PLEKHA7: variants seen among roughly 807,000 people sequenced by gnomAD.
PLEKHA7 encodes the protein pleckstrin homology domain-containing family A member 7.
In PLEKHA7, 104 loss-of-function variants were observed where a neutral mutation model predicts 170.0. The observed-to-expected ratio is 0.61, with a 90% CI of 0.52 to 0.72. The LOEUF (loss-of-function observed/expected upper bound fraction) is 0.72, where lower values mean the gene tolerates loss of function less well. Ranked by LOEUF, PLEKHA7 falls within the 30% of genes least tolerant of loss-of-function variation. The probability of loss-of-function intolerance (pLI) is 0.00; values close to 1 mark genes in which losing one functional copy is unlikely to be tolerated. For missense variants in PLEKHA7, 1,615 were observed against 1,671.7 expected, an observed-to-expected ratio of 0.97 and a Z score of 0.59; for synonymous variants, 648 against 660.8, an observed-to-expected ratio of 0.98 and a Z score of 0.30.
intron 8 of PLEKHA7, among the ~76,000 whole-genome samples, chr11:16,850,578 C>T (rs980395565): frequency 6.6e-6 from 1 of 152,192 alleles, no homozygotes; most frequent in African/African-American, 2.4e-5. Context: ...CACACTGGAC[C>T]TCACAGGTGC....
At position 16,817,989 on chromosome 11, in the gene PLEKHA7, T is replaced by A. The variant is rs1422438058; in HGVS notation, c.1344-667A>T. Among the ~76,000 whole-genome samples, 1 of 152,102 alleles carries A rather than the reference T, an allele frequency of 6.6e-6. No homozygotes were observed. The highest frequency in any genetic ancestry group is 1.5e-5 in the Non-Finnish European group (1 of 68,014). On this transcript the variant is annotated intron_variant, in intron 10 of 26. Coordinates refer to ENST00000531066, the MANE Select transcript of PLEKHA7 (RefSeq NM_001329630.2). This position sits in a 1 kb window ranked among gnomAD's most constrained non-coding sequence, Gnocchi z 4.4. The stretch of plus-strand genomic sequence containing the variant: ...CAACACCCACCTTGCAGGCCTGCTG[T>A]TTTCTCACTGCTCTTCCTACGGGCC...
At chr11:16,860,003 G>A (rs928984851) in intron 4 of PLEKHA7, among the ~76,000 whole-genome samples, 2 of 152,208 alleles carry the variant, frequency 1.3e-5, no homozygotes, top group African/African-American at 2.4e-5. Context: ...CCCTGGTTTG[G>A]GCTACATGAA....
intron 4 of PLEKHA7, among the ~76,000 whole-genome samples, chr11:16,866,637 T>G (rs1430635728): frequency 6.6e-6 from 1 of 152,182 alleles, no homozygotes; most frequent in African/African-American, 2.4e-5. Context: ...AGGTGACCTA[T>G]GATGGACATG....
intron 3 of PLEKHA7, among the ~76,000 whole-genome samples, chr11:16,926,895 CAA>C (rs993576838): frequency 5.3e-5 from 8 of 152,194 alleles, no homozygotes; most frequent in Non-Finnish European, 7.3e-5. Flanking sequence ...CCTACCTCTG[CAA>C]AAGAGCGCTG....
chr11:16,905,061 G>A (rs1857568240), intron 3 of PLEKHA7, among the ~76,000 whole-genome samples: 1 of 152,070 alleles, frequency 6.6e-6, no homozygotes, highest in African/African-American at 2.4e-5. Flanking sequence ...AGACTAGCCT[G>A]GGCAACATGG....
At chr11:16,899,784 G>C (rs1469222545) in intron 3 of PLEKHA7, among the ~76,000 whole-genome samples, 1 of 152,194 alleles carries the variant, frequency 6.6e-6, no homozygotes, top group Non-Finnish European at 1.5e-5. Context: ...TTATAGGGCA[G>C]GAAAACCTTT....
rs114951763 is a variant in PLEKHA7, at chr11:16,942,099, G to T, written c.222-70917C>A. 5.8e-3 allele frequency among the ~76,000 whole-genome samples: 885 copies of T among 152,312 alleles called. 13 individuals are homozygous for T. The highest frequency in any genetic ancestry group is 0.021 in the African/African-American group (859 of 41,560). On this transcript the variant is annotated intron_variant, in intron 3 of 26. Transcript: ENST00000531066. ...AATTAACCCTCACCACAGGTTCTAT[G>T]AAGCCCATTTTACAGACGAGAAAAC... is the stretch of plus-strand genomic sequence containing the variant.
intron 3 of PLEKHA7, among the ~76,000 whole-genome samples, chr11:16,872,453 T>C (rs755767401): frequency 6.6e-6 from 1 of 152,158 alleles, no homozygotes; most frequent in Non-Finnish European, 1.5e-5. Flanking sequence ...CCTATTAACA[T>C]AGAAAAAGTC....
At chr11:16,922,101 T>C (rs1859137641) in intron 3 of PLEKHA7, among the ~76,000 whole-genome samples, 1 of 152,192 alleles carries the variant, frequency 6.6e-6, no homozygotes, top group Non-Finnish European at 1.5e-5. Context: ...GGAAGTCAGA[T>C]GAAACCCTTC....
intron 26 of PLEKHA7, among the ~76,000 whole-genome samples, chr11:16,779,288 A>G (rs1205040566): frequency 6.6e-6 from 1 of 152,222 alleles, no homozygotes; most frequent in Non-Finnish European, 1.5e-5. Flanking sequence ...ATAAAGGTGC[A>G]GTCTGGCCCT....
intron 12 of PLEKHA7, among the ~76,000 whole-genome samples, chr11:16,815,661 G>A (rs1432146962): frequency 2.0e-5 from 3 of 152,150 alleles, no homozygotes; most frequent in African/African-American, 4.8e-5. Context: ...GATCACAGGA[G>A]TGTACCACCA....
Position 16,791,249 on chromosome 11 carries a change from G to A in PLEKHA7, c.2746-50C>T, listed in dbSNP as rs764190401. ...GTGGTCAGCGAGACGGAGCTGGAGG[G>A]AGGACTGCTAGGTACTGCCACAGTG... On this transcript the variant is annotated intron_variant, in intron 19 of 26. Coordinates refer to ENST00000531066, the MANE Select transcript of PLEKHA7 (RefSeq NM_001329630.2). This position sits in a 1 kb window ranked among gnomAD's most constrained non-coding sequence, Gnocchi z 4.5. 6.0e-6 allele frequency: 9 copies of A among 1,511,562 alleles called. No individual in the cohort carries two copies. The highest frequency in any genetic ancestry group is 2.1e-5 in the Admixed American group (1 of 48,454). The allele number at this position is 1,511,562 out of a possible 1,614,324, so 93.6% of individuals were successfully genotyped here.
At chr11:16,830,065 A>G (rs192928921) in intron 9 of PLEKHA7, among the ~76,000 whole-genome samples, 1 of 152,000 alleles carries the variant, frequency 6.6e-6, no homozygotes, top group East Asian at 1.9e-4. Context: ...CGCAGCCTCA[A>G]CCTCCTGGGA....
chr11:16,810,032 T>TCC (rs934406760), intron 13 of PLEKHA7, among the ~76,000 whole-genome samples: 5 of 152,258 alleles, frequency 3.3e-5, no homozygotes, highest in African/African-American at 1.2e-4. Context: ...GCAGCCACCT[T>TCC]CCCTGCCCGT....
chr11:17,012,624 C>T (rs1026402284), intron 3 of PLEKHA7, among the ~76,000 whole-genome samples: 4 of 152,138 alleles, frequency 2.6e-5, no homozygotes, highest in Admixed American at 2.6e-4. Context: ...TTTCTACTCC[C>T]TTCCCTCTCC....
At chr11:16,802,308 G>A (rs1316874324) in intron 15 of PLEKHA7, among the ~76,000 whole-genome samples, 2 of 152,184 alleles carry the variant, frequency 1.3e-5, no homozygotes, top group Non-Finnish European at 2.9e-5. Context: ...CAGATCCTAG[G>A]AGACAAGGAG....
At chr11:16,963,587 C>T (rs994061628) in intron 3 of PLEKHA7, among the ~76,000 whole-genome samples, 1 of 152,040 alleles carries the variant, frequency 6.6e-6, no homozygotes, top group Admixed American at 6.6e-5. Context: ...GGGAGAGGGG[C>T]AAGAGGGGGA....
intron 3 of PLEKHA7, among the ~76,000 whole-genome samples, chr11:16,985,339 C>G (rs1247010232): frequency 1.3e-5 from 2 of 152,258 alleles, no homozygotes; most frequent in Non-Finnish European, 2.9e-5. Flanking sequence ...TCCAAGTACA[C>G]TTGCTTCTCA....
At chr11:17,006,580 T>C (rs1865007469) in intron 3 of PLEKHA7, among the ~76,000 whole-genome samples, 1 of 147,750 alleles carries the variant, frequency 6.8e-6, no homozygotes, top group South Asian at 2.1e-4. Context: ...TGAGCCGAGA[T>C]GCCGCCACTG....
Sources: allele counts gnomAD v4.1 joint callset (sites outside exome capture counted in the v4.1 genomes callset), GRCh38; gene constraint gnomAD v4.1.1; non-coding constraint Gnocchi (gnomAD v3.1); transcripts MANE v1.5; gene names NCBI Gene and HGNC (gene_info 2026-07-23, HGNC 2026-07-21).